SH2D1A: variants seen among roughly 807,000 people sequenced by gnomAD.
SH2D1A encodes the protein SH2 domain containing 1A.
A neutral mutation model predicts 10.1 loss-of-function variants in SH2D1A; 6 were observed. That is an observed-to-expected ratio of 0.60 (90% confidence interval 0.33 to 1.18). The LOEUF is 1.18. Among genes scored for constraint, SH2D1A ranks in the 50% most tolerant of loss-of-function variants. The pLI is 0.04. For synonymous variants in SH2D1A, 42 were observed against 36.9 expected (o/e 1.14, Z -0.51); for missense variants, 51 against 97.6 (o/e 0.52, Z 2.01).
At chrX:124,350,368 A>G (rs1352422503) in intron 1 of SH2D1A, among the ~76,000 whole-genome samples, 1 of 27,650 alleles carries the variant, frequency 3.6e-5, no homozygotes, top group African/African-American at 1.6e-4. Context: ...ATAATATTAT[A>G]TAATATATAA....
chrX:124,357,932 G>C (rs773673364), intron 1 of SH2D1A, among the ~76,000 whole-genome samples: 1 of 109,787 alleles, frequency 9.1e-6, no homozygotes, highest in East Asian at 2.8e-4. Context: ...CCATTCTCCT[G>C]CCTCAGACTC....
chrX:124,353,370 A>T (rs903739609), intron 1 of SH2D1A, among the ~76,000 whole-genome samples: 1 of 111,951 alleles, frequency 8.9e-6, no homozygotes, highest in Non-Finnish European at 1.9e-5. Flanking sequence ...GATTTTTAAA[A>T]ATCATAAATG....
intron 1 of SH2D1A, chrX:124,364,371 G>A (rs1032163620): frequency 3.8e-6 from 1 of 259,839 alleles, no homozygotes; most frequent in Non-Finnish European, 7.2e-6. Context: ...AGGATATAAA[G>A]AAAAACAGTT....
At chrX:124,371,117 G>A (rs2060068252) in intron 3 of SH2D1A, among the ~76,000 whole-genome samples, 1 of 111,614 alleles carries the variant, frequency 9.0e-6, no homozygotes, top group South Asian at 3.8e-4. Flanking sequence ...TGAATAGTTA[G>A]CCTTTATAAT....
In SH2D1A at chrX:124,373,015, A is replaced by G. The variant is rs1172696682; in HGVS notation, c.*1624A>G. 3.2e-5 allele frequency: 5 copies of G among 156,678 alleles called. No homozygotes were observed. The highest frequency in any genetic ancestry group is 6.2e-5 in the Non-Finnish European group (5 of 80,461). 12.9% of individuals were successfully genotyped at this position (156,678 alleles called of 1,213,427 possible). On this transcript the variant is annotated 3_prime_UTR_variant, in exon 4 of 4. Transcript: ENST00000371139. ...AATAGGCGTAACTAATTTTAACTCT[A>G]TAATGTGTTCATTCTGGAATAATCC... is the stretch of plus-strand genomic sequence containing the variant.
At chrX:124,350,385 AAT>A (rs1221690656) in intron 1 of SH2D1A, among the ~76,000 whole-genome samples, 12 of 26,322 alleles carry the variant, frequency 4.6e-4, no homozygotes, top group Non-Finnish European at 6.8e-4. Flanking sequence ...ATAATATATA[AAT>A]ATATATTATA....
intron 1 of SH2D1A, among the ~76,000 whole-genome samples, chrX:124,352,666 C>A (rs1041793525): frequency 8.9e-6 from 1 of 111,760 alleles, no homozygotes; most frequent in African/African-American, 3.2e-5. Context: ...TTTTCTTTAT[C>A]CATTCATCTG....
intron 2 of SH2D1A, 40 bp downstream of exon 2, chrX:124,365,864 A>G (rs772954174): frequency 2.3e-6 from 2 of 856,015 alleles, no homozygotes; most frequent in Non-Finnish European, 3.5e-6. Flanking sequence ...GGTGTCAAGG[A>G]GGTATTTGAA....
intron 1 of SH2D1A, among the ~76,000 whole-genome samples, chrX:124,360,106 A>G (rs1387023388): frequency 9.0e-6 from 1 of 110,889 alleles, no homozygotes; most frequent in South Asian, 3.8e-4. Context: ...GGGTTTCACC[A>G]TGTTGGCCAG....
chrX:124,362,010 T>C (rs1246067333), intron 1 of SH2D1A, among the ~76,000 whole-genome samples: 2 of 112,152 alleles, frequency 1.8e-5, no homozygotes, highest in East Asian at 2.8e-4. Flanking sequence ...TAACCAGCCA[T>C]CTGAGCAGAA....
At chrX:124,366,177 G>A (rs1207776031) in intron 2 of SH2D1A, among the ~76,000 whole-genome samples, 1 of 110,941 alleles carries the variant, frequency 9.0e-6, no homozygotes, top group African/African-American at 3.3e-5. Context: ...TGGTATCGTG[G>A]GAGATTAAAA....
At chrX:124,351,793 T>A (rs1488731814) in intron 1 of SH2D1A, among the ~76,000 whole-genome samples, 1 of 111,019 alleles carries the variant, frequency 9.0e-6, no homozygotes, top group Non-Finnish European at 1.9e-5. Flanking sequence ...ACACACTCTA[T>A]GTGTATATAT....
rs1031187414 is a variant in SH2D1A at position 124,370,437 on chromosome X, T to G, written c.346+117T>G. Reference sequence around the variant, plus strand: ...AAGAAAAATGCAGTGAGAAAGTAGATGTAGCCAGCAAGTCAAATGAGAGGT... The same window carrying G: ...AAGAAAAATGCAGTGAGAAAGTAGAGGTAGCCAGCAAGTCAAATGAGAGGT... On this transcript the variant is annotated intron_variant, in intron 3 of 3. Coordinates refer to ENST00000371139, the MANE Select transcript of SH2D1A (RefSeq NM_002351.5). 5 of 602,503 alleles carry G rather than the reference T, an allele frequency of 8.3e-6. No individual in the cohort carries two copies. In the African/African-American group the frequency reaches 1.1e-4, roughly 13 times the overall value. 49.7% of individuals were successfully genotyped at this position (602,503 alleles called of 1,213,427 possible).
chrX:124,361,889 T>A (rs1001807787), intron 1 of SH2D1A, among the ~76,000 whole-genome samples: 1 of 111,477 alleles, frequency 9.0e-6, no homozygotes, highest in Non-Finnish European at 1.9e-5. Context: ...ACTTAAACAT[T>A]TGGAAAATTC....
intron 1 of SH2D1A, among the ~76,000 whole-genome samples, chrX:124,353,926 G>C (rs1374025717): frequency 8.9e-6 from 1 of 112,217 alleles, no homozygotes; most frequent in Non-Finnish European, 1.9e-5. Flanking sequence ...TGGGGGAGGA[G>C]CAGTGATGAA....
Position 124,372,244 on chromosome X carries a change from T to C in SH2D1A, c.*853T>C, listed in dbSNP as rs1287558113. ...AAAACCACTGGAAAGTTTATGGTTGTATTATTTTTTAAAAAAATTCCAAGT... is the reference window on the plus strand; with the variant it reads ...AAAACCACTGGAAAGTTTATGGTTGCATTATTTTTTAAAAAAATTCCAAGT... On this transcript the variant is annotated 3_prime_UTR_variant, in exon 4 of 4. Coordinates refer to ENST00000371139, the MANE Select transcript of SH2D1A (RefSeq NM_002351.5). 2 of 164,900 alleles carry C rather than the reference T, an allele frequency of 1.2e-5. No homozygotes were observed. Among genetic ancestry groups the C allele is most frequent in the Non-Finnish European group, 2.3e-5 (2 of 85,943 alleles). The allele number at this position is 164,900 out of a possible 1,213,427, so 13.6% of individuals were successfully genotyped here.
chrX:124,370,400 T>C, intron 3 of SH2D1A, 80 bp downstream of exon 3: 1 of 847,666 alleles, frequency 1.2e-6, no homozygotes, highest in Non-Finnish European at 1.8e-6. Flanking sequence ...TATAATCAAT[T>C]AGAAGTTATG....
chrX:124,348,217 G>A (rs1454386679), intron 1 of SH2D1A, among the ~76,000 whole-genome samples: 1 of 111,554 alleles, frequency 9.0e-6, no homozygotes, highest in Non-Finnish European at 1.9e-5. Flanking sequence ...TATTGTTCCC[G>A]TGTGGAACCT....
rs59536671 is a variant in SH2D1A, at chrX:124,366,876, A to AACACACACAC, written c.201+1087_201+1096dup. Among the ~76,000 whole-genome samples, 740 of 87,080 alleles carry AACACACACAC rather than the reference A, an allele frequency of 8.5e-3. 7 individuals carry two copies. The highest frequency in any genetic ancestry group is 0.011 in the Non-Finnish European group (485 of 43,241). 75.6% of individuals were successfully genotyped at this position (87,080 alleles called of 115,157 possible). ...AAGTTATGTGTAAAATATACTGACA[A>AACACACACAC]ACACACACACACACACACACACACA... On this transcript the variant is annotated intron_variant, in intron 2 of 3. Coordinates refer to ENST00000371139, the MANE Select transcript of SH2D1A (RefSeq NM_002351.5).
Sources: allele counts gnomAD v4.1 joint callset (sites outside exome capture counted in the v4.1 genomes callset), GRCh38; gene constraint gnomAD v4.1.1; transcripts MANE v1.5; gene names NCBI Gene and HGNC (gene_info 2026-07-23, HGNC 2026-07-21).